Variants in CDKL1 observed in about 807,000 individuals in gnomAD.
CDKL1 encodes cyclin dependent kinase like 1.
A neutral mutation model predicts 42.0 loss-of-function variants in CDKL1; 41 were observed. The observed-to-expected ratio is 0.98, with a 90% confidence interval of 0.76 to 1.27. The LOEUF (loss-of-function observed/expected upper bound fraction) is 1.27. Among genes scored for constraint, CDKL1 ranks in the 50% most tolerant of loss-of-function variants. The pLI, the probability that CDKL1 is intolerant of heterozygous loss-of-function variation, is 0.00. For missense variants in CDKL1, 394 were observed against 428.4 expected (o/e 0.92, Z 0.71); for synonymous variants, 153 against 158.6 (o/e 0.96, Z 0.26).
chr14:50,371,637 G>C (rs933763446), intron 2 of CDKL1, among the ~76,000 whole-genome samples: 13 of 152,218 alleles, frequency 8.5e-5, no homozygotes, highest in African/African-American at 2.9e-4. Flanking sequence ...TGGCTGCAGT[G>C]GGGGAGGCGC....
At chr14:50,347,287 G>T (rs2033758849) in intron 3 of CDKL1, among the ~76,000 whole-genome samples, 1 of 152,104 alleles carries the variant, frequency 6.6e-6, no homozygotes, top group Non-Finnish European at 1.5e-5. Context: ...GGAGAAGGGA[G>T]TTACAACTAT....
intron 8 of CDKL1, chr14:50,332,814 T>C (rs901533717): frequency 3.0e-6 from 2 of 666,276 alleles, no homozygotes; most frequent in East Asian, 2.8e-5. Flanking sequence ...AAAAATGATA[T>C]TTACACATGA....
rs900776236 is a variant in CDKL1, at chr14:50,395,973, T to C, written c.-105A>G. 6.2e-6 allele frequency: 7 copies of C among 1,133,798 alleles called. No homozygotes were observed. The highest frequency in any genetic ancestry group is 7.7e-6 in the Non-Finnish European group (6 of 775,668). 70.2% of individuals were successfully genotyped at this position (1,133,798 alleles called of 1,614,324 possible). ...GCTGAGGCGGGCAGATCACCTGAGGTCAGGAGTTCGAGACCAGTCTGGCCA... is the reference window on the plus strand; with the variant it reads ...GCTGAGGCGGGCAGATCACCTGAGGCCAGGAGTTCGAGACCAGTCTGGCCA... On this transcript the variant is annotated 5_prime_UTR_variant, in exon 2 of 10. An upstream open reading frame in the 5' UTR loses its in-frame stop. Coordinates refer to ENST00000395834, the MANE Select transcript of CDKL1 (RefSeq NM_004196.7).
chr14:50,386,815 C>G, intron 2 of CDKL1, among the ~76,000 whole-genome samples: 1 of 151,720 alleles, frequency 6.6e-6, no homozygotes, highest in Non-Finnish European at 1.5e-5. Context: ...AATCCCAGCA[C>G]TTTGGGAGGC....
At chr14:50,337,112 C>T (rs148458895) in intron 7 of CDKL1, among the ~76,000 whole-genome samples, 108 of 152,050 alleles carry the variant, frequency 7.1e-4, no homozygotes, top group African/African-American at 1.5e-3. Context: ...AAGGTCAAGC[C>T]GTCTTCCCAC....
intron 3 of CDKL1, among the ~76,000 whole-genome samples, chr14:50,352,614 G>C (rs932349830): frequency 6.6e-6 from 1 of 151,476 alleles, no homozygotes; most frequent in Non-Finnish European, 1.5e-5. Flanking sequence ...AACATATATA[G>C]AAAATACATA....
At chr14:50,382,742 C>T (rs34480166) in intron 2 of CDKL1, among the ~76,000 whole-genome samples, 73,480 of 149,960 alleles carry the variant, frequency 0.49, 17,957 homozygotes, top group East Asian at 0.69. Flanking sequence ...CACTGGTGCA[C>T]ACCACCACAC....
intron 9 of CDKL1, chr14:50,331,850 G>A: frequency 3.2e-6 from 2 of 631,834 alleles, no homozygotes; most frequent in South Asian, 2.1e-5. Context: ...AAGGATCAGG[G>A]AGGAAAACAG....
At chr14:50,380,758 G>C (rs2034880167) in intron 2 of CDKL1, among the ~76,000 whole-genome samples, 1 of 150,356 alleles carries the variant, frequency 6.7e-6, no homozygotes, top group African/African-American at 2.4e-5. Context: ...TGGCATATAA[G>C]TGGTATTCTA....
intron 2 of CDKL1, among the ~76,000 whole-genome samples, chr14:50,393,534 A>T (rs1274274868): frequency 6.6e-6 from 1 of 152,240 alleles, no homozygotes; most frequent in Non-Finnish European, 1.5e-5. Flanking sequence ...GATAGAATAC[A>T]GTGGCCTAAT....
chr14:50,335,646 G>A (rs2033229006), intron 7 of CDKL1: 3 of 1,516,562 alleles, frequency 2.0e-6, no homozygotes, highest in Non-Finnish European at 2.6e-6. Context: ...ATTGAGCAGA[G>A]AGGCTGAGAA....
chr14:50,372,074 G>C (rs2034605638), intron 2 of CDKL1, among the ~76,000 whole-genome samples: 1 of 152,198 alleles, frequency 6.6e-6, no homozygotes, highest in Non-Finnish European at 1.5e-5. Flanking sequence ...TTTTTGAGCT[G>C]TTTGAGTGTA....
At position 50,338,362 on chromosome 14, in the gene CDKL1, G is replaced by T. The variant is rs546716316; in HGVS notation, c.738+585C>A. On this transcript the variant is annotated intron_variant, in intron 7 of 9. Transcript: ENST00000395834. Reference sequence around the variant, plus strand: ...CCTGCCTCAGCCTCCTGAGTAGCTGGGATTACAGTCATGTGCCACCATGCC... The same window carrying T: ...CCTGCCTCAGCCTCCTGAGTAGCTGTGATTACAGTCATGTGCCACCATGCC... 2.6e-5 allele frequency among the ~76,000 whole-genome samples: 4 copies of T among 152,128 alleles called. No homozygotes were observed. The South Asian group carries it at 8.3e-4, about 32-fold the overall frequency.
rs778703247 is a variant in CDKL1 at position 50,341,125 on chromosome 14, T to C, written c.562A>G (p.Ile188Val). Residue 188 changes from isoleucine to valine, a missense_variant, in exon 6 of 10, where the codon ATT becomes GTT. Coordinates refer to ENST00000395834, the MANE Select transcript of CDKL1 (RefSeq NM_004196.7). Reference protein sequence around the residue: ...QYGPPVDVWAIGCVFAELLSG... With the variant: ...QYGPPVDVWAVGCVFAELLSG... ...AGCAGCTCAGCAAAGACACAGCCAATTGCCCAAACATCCACCGGGGGGCCG... is the reference window on the plus strand; with the variant it reads ...AGCAGCTCAGCAAAGACACAGCCAACTGCCCAAACATCCACCGGGGGGCCG... 6 of 1,614,034 alleles carry C rather than the reference T, an allele frequency of 3.7e-6. No homozygotes were observed. Among genetic ancestry groups the C allele is most frequent in the Non-Finnish European group, 5.1e-6 (6 of 1,180,026 alleles).
intron 2 of CDKL1, among the ~76,000 whole-genome samples, chr14:50,394,971 T>TA (rs1317283246): frequency 6.6e-6 from 1 of 152,058 alleles, no homozygotes; most frequent in East Asian, 1.9e-4. Context: ...ATCCCATCTC[T>TA]AAAAAATGTT....
At chr14:50,385,663 G>A (rs930313046) in intron 2 of CDKL1, among the ~76,000 whole-genome samples, 1 of 152,040 alleles carries the variant, frequency 6.6e-6, no homozygotes, top group Admixed American at 6.5e-5. Flanking sequence ...CATTAGCCAG[G>A]CGCGGTGGCA....
At chr14:50,358,119 C>T in intron 3 of CDKL1, 1 of 1,357,646 alleles carries the variant, frequency 7.4e-7, no homozygotes, top group Middle Eastern at 2.1e-4. Context: ...AGTCTTCTTC[C>T]AGTGCACACA....
chr14:50,385,070 C>CAAAAAAAAAAAAAAAAAAAAAA (rs55719234), intron 2 of CDKL1, among the ~76,000 whole-genome samples: 1 of 93,568 alleles, frequency 1.1e-5, no homozygotes, highest in Non-Finnish European at 2.0e-5. Flanking sequence ...GACTCTGTCT[C>CAAAAAAAAAAAAAAAAAAAAAA]AAAAAAAAAA....
chr14:50,333,534 C>T (rs1490665959), intron 8 of CDKL1: 1 of 152,188 alleles, frequency 6.6e-6, no homozygotes, highest in Non-Finnish European at 1.5e-5. Context: ...CATAAACCAC[C>T]CCTTGTTTAG....
Sources: allele counts gnomAD v4.1 joint callset (sites outside exome capture counted in the v4.1 genomes callset), GRCh38; gene constraint gnomAD v4.1.1; transcripts MANE v1.5; gene names NCBI Gene and HGNC (gene_info 2026-07-23, HGNC 2026-07-21).